The following IL1RAPL2 variants were observed in gnomAD, a reference collection of about 807,000 sequenced individuals.
IL1RAPL2 encodes X-linked interleukin-1 receptor accessory protein-like 2.
IL1RAPL2 carries 3 observed loss-of-function variants against 44.1 expected under a neutral mutation model. That is an observed-to-expected ratio of 0.07 (90% CI 0.03 to 0.18). The LOEUF (loss-of-function observed/expected upper bound fraction) is 0.18. Ranked by LOEUF, IL1RAPL2 falls within the 10% of genes least tolerant of loss-of-function variation. The pLI is 1.00. For missense variants in IL1RAPL2, 391 were observed against 496.4 expected (o/e 0.79, Z 2.02); for synonymous variants, 181 against 178.8 (o/e 1.01, Z -0.10).
chrX:105,241,703 A>T (rs906446871), intron 4 of IL1RAPL2, among the ~76,000 whole-genome samples: 9 of 112,037 alleles, frequency 8.0e-5, no homozygotes, highest in African/African-American at 2.9e-4. Flanking sequence ...TTTACAAAAA[A>T]ACTGAACAAT....
At chrX:104,788,372 T>G (rs1289713576) in intron 2 of IL1RAPL2, among the ~76,000 whole-genome samples, 2 of 111,957 alleles carry the variant, frequency 1.8e-5, no homozygotes, top group Non-Finnish European at 3.8e-5. Flanking sequence ...AAAGTGGGCC[T>G]GCCTTTAGGG....
intron 2 of IL1RAPL2, among the ~76,000 whole-genome samples, chrX:105,027,844 A>T (rs139758174): frequency 0.012 from 1,364 of 111,757 alleles, 25 homozygotes; most frequent in Middle Eastern, 0.018. Context: ...CCCAAAAGAA[A>T]GGAAATCAGT....
intron 2 of IL1RAPL2, among the ~76,000 whole-genome samples, chrX:104,781,071 T>TTA (rs1422448091): frequency 9.7e-6 from 1 of 103,446 alleles, no homozygotes; most frequent in Non-Finnish European, 1.9e-5. Flanking sequence ...TTAGTTTTAT[T>TTA]TTTTTTTTTG....
At chrX:105,239,061 T>A (rs1234479512) in intron 4 of IL1RAPL2, among the ~76,000 whole-genome samples, 1 of 111,368 alleles carries the variant, frequency 9.0e-6, no homozygotes, top group African/African-American at 3.3e-5. Context: ...ATCAAATAGA[T>A]CAAAGAATGA....
At chrX:105,138,100 T>C (rs1402239364) in intron 2 of IL1RAPL2, among the ~76,000 whole-genome samples, 1 of 110,666 alleles carries the variant, frequency 9.0e-6, no homozygotes, top group East Asian at 2.8e-4. Flanking sequence ...AATTTATTCA[T>C]AGGCAAGGAT....
chrX:105,124,730 T>C (rs1286330466), intron 2 of IL1RAPL2, among the ~76,000 whole-genome samples: 1 of 110,898 alleles, frequency 9.0e-6, no homozygotes, highest in African/African-American at 3.3e-5. Context: ...TATCATATTA[T>C]AATATTTTTA....
intron 6 of IL1RAPL2, among the ~76,000 whole-genome samples, chrX:105,495,691 A>C (rs2036351725): frequency 9.0e-6 from 1 of 111,596 alleles, no homozygotes; most frequent in Non-Finnish European, 1.9e-5. Context: ...GATTGTTGGC[A>C]AAAGAACAAA....
chrX:105,690,616 T>C (rs2038027494), intron 6 of IL1RAPL2, among the ~76,000 whole-genome samples: 1 of 112,282 alleles, frequency 8.9e-6, no homozygotes, highest in Admixed American at 9.5e-5. Context: ...TTAAAATGTT[T>C]TGAATTGGTT....
At chrX:105,309,768 T>C (rs2034782095) in intron 5 of IL1RAPL2, among the ~76,000 whole-genome samples, 1 of 110,583 alleles carries the variant, frequency 9.0e-6, no homozygotes, top group East Asian at 2.8e-4. Flanking sequence ...ATTTTGGGGG[T>C]TTGTATATTA....
intron 2 of IL1RAPL2, among the ~76,000 whole-genome samples, chrX:105,173,481 G>C (rs1396413120): frequency 1.8e-5 from 2 of 111,633 alleles, no homozygotes; most frequent in Non-Finnish European, 3.8e-5. Context: ...ACTGAATCTG[G>C]AGCTCCTCAT....
chrX:104,920,537 CTCTCT>C (rs1924606466), intron 2 of IL1RAPL2, among the ~76,000 whole-genome samples: 1 of 87,578 alleles, frequency 1.1e-5, no homozygotes, highest in Admixed American at 1.3e-4. Flanking sequence ...CTCCCCTCCC[CTCTCT>C]TGCTCCTGCT....
At chrX:105,169,382 A>ACAC (rs1304037358) in intron 2 of IL1RAPL2, among the ~76,000 whole-genome samples, 1 of 105,246 alleles carries the variant, frequency 9.5e-6, no homozygotes, top group African/African-American at 3.4e-5. Flanking sequence ...AGAGTACAAG[A>ACAC]CACTCTAATT....
At chrX:105,077,408 G>C (rs1037474013) in intron 2 of IL1RAPL2, among the ~76,000 whole-genome samples, 17 of 112,045 alleles carry the variant, frequency 1.5e-4, no homozygotes, top group African/African-American at 5.5e-4. Context: ...TCTGCAGAGA[G>C]GTCAGCTGTT....
intron 4 of IL1RAPL2, among the ~76,000 whole-genome samples, chrX:105,266,450 C>A (rs1324461819): frequency 9.0e-6 from 1 of 111,409 alleles, no homozygotes; most frequent in African/African-American, 3.3e-5. Flanking sequence ...ACATTTGAGG[C>A]GAATGATAGC....
At chrX:105,507,040 A>G (rs1173915309) in intron 6 of IL1RAPL2, among the ~76,000 whole-genome samples, 1 of 111,721 alleles carries the variant, frequency 9.0e-6, no homozygotes, top group African/African-American at 3.3e-5. Context: ...ACTCATTTCC[A>G]GGGAACCTCA....
intron 3 of IL1RAPL2, among the ~76,000 whole-genome samples, chrX:105,206,833 AT>A: frequency 8.9e-6 from 1 of 112,024 alleles, no homozygotes. Flanking sequence ...AAGAATAGAG[AT>A]GAATTTTGAA....
chrX:105,308,750 C>G (rs2034771825), intron 5 of IL1RAPL2, among the ~76,000 whole-genome samples: 1 of 112,322 alleles, frequency 8.9e-6, no homozygotes, highest in African/African-American at 3.2e-5. Context: ...GCTATAAACA[C>G]TCTTGCACAA....
intron 2 of IL1RAPL2, among the ~76,000 whole-genome samples, chrX:104,859,168 T>C (rs1021931285): frequency 4.5e-5 from 5 of 111,575 alleles, no homozygotes; most frequent in Non-Finnish European, 9.4e-5. Flanking sequence ...AAAGAGTTCA[T>C]TGTTCTAGCT....
At chrX:104,913,806 C>A (rs1012426987) in intron 2 of IL1RAPL2, among the ~76,000 whole-genome samples, 2 of 111,938 alleles carry the variant, frequency 1.8e-5, no homozygotes, top group African/African-American at 3.2e-5. Context: ...AAACAGTAAC[C>A]ACATTTCTTC....
Sources: gnomAD v4.1 joint callset for allele counts (sites outside exome capture counted in the v4.1 genomes callset) on GRCh38, gnomAD v4.1.1 for gene constraint, MANE v1.5 for transcripts, NCBI Gene and HGNC (gene_info 2026-07-23, HGNC 2026-07-21) for gene names.